Variants in CLVS1 observed in about 807,000 individuals in gnomAD.
CLVS1 encodes the protein clavesin-1.
Under a neutral mutation model 33.1 loss-of-function variants are expected in CLVS1, and 10 were observed. That is an observed-to-expected ratio of 0.30 (90% confidence interval 0.19 to 0.51). The LOEUF is 0.51. Among genes scored for constraint, CLVS1 ranks in the 20% least tolerant of loss-of-function variants. CLVS1 has a pLI of 0.97. For synonymous variants in CLVS1, 163 were observed against 166.1 expected (o/e 0.98, Z 0.14); for missense variants, 343 against 433.4 (o/e 0.79, Z 1.85).
chr8:61,070,513 C>A (rs1429968873), intron 1 of CLVS1, among the ~76,000 whole-genome samples: 2 of 152,250 alleles, frequency 1.3e-5, no homozygotes, highest in East Asian at 1.9e-4. Context: ...ATCTTCCACC[C>A]CTCTTCTTGC....
At chr8:60,997,608 T>C in the CLVS1 span, among the ~76,000 whole-genome samples, 1 of 152,336 alleles carries the variant, frequency 6.6e-6, no homozygotes, top group African/African-American at 2.4e-5. Context: ...CCATCTGTCA[T>C]GAACTCTCCT....
intron 2 of CLVS1, among the ~76,000 whole-genome samples, chr8:61,373,448 G>A (rs544813501): frequency 8.5e-5 from 13 of 152,192 alleles, no homozygotes; most frequent in Non-Finnish European, 1.6e-4. Flanking sequence ...AATAAAGGTT[G>A]TGGTCTCCAA....
chr8:60,978,531 A>C, the CLVS1 span, among the ~76,000 whole-genome samples: 1 of 152,264 alleles, frequency 6.6e-6, no homozygotes, highest in African/African-American at 2.4e-5. Flanking sequence ...ATAACTAAAA[A>C]AGGCCAGGTG....
chr8:61,240,765 ATCT>A (rs1389021177), intron 2 of CLVS1, among the ~76,000 whole-genome samples: 1 of 151,920 alleles, frequency 6.6e-6, no homozygotes, highest in Non-Finnish European at 1.5e-5. Flanking sequence ...TCCCACCCCC[ATCT>A]TACTGCACTG....
At chr8:61,000,088 T>C in the CLVS1 span, among the ~76,000 whole-genome samples, 1 of 152,238 alleles carries the variant, frequency 6.6e-6, no homozygotes, top group African/African-American at 2.4e-5. Context: ...CAGGAGTTCT[T>C]TATTCAAAAT....
intron 3 of CLVS1, among the ~76,000 whole-genome samples, chr8:61,451,990 G>A (rs76721721): frequency 6.2e-4 from 95 of 152,328 alleles, no homozygotes; most frequent in African/African-American, 2.1e-3. Context: ...TGCAAGCTCA[G>A]AACTTCTAGA....
Position 61,176,699 on chromosome 8 carries a change from G to A in CLVS1, c.-152+44839G>A, listed in dbSNP as rs1807118057. 2.0e-5 allele frequency among the ~76,000 whole-genome samples: 3 copies of A among 152,144 alleles called. No homozygotes were observed. The South Asian group carries it at 6.2e-4, about 32-fold the overall frequency. On this transcript the variant is annotated intron_variant, in intron 2 of 2. Coordinates refer to the CLVS1 transcript ENST00000522621. ...CCCATGGAGAGGAAGGAAGAGCAGT[G>A]TTGTGCGGCAGCCCACGGGAGAGCC...
chr8:61,422,028 G>T (rs1815694169), intron 3 of CLVS1, among the ~76,000 whole-genome samples: 1 of 151,780 alleles, frequency 6.6e-6, no homozygotes, highest in African/African-American at 2.4e-5. Context: ...AGATTTTCTT[G>T]CTTGGAAAAT....
At chr8:61,460,959 C>T (rs1817346007) in intron 5 of CLVS1, among the ~76,000 whole-genome samples, 1 of 152,204 alleles carries the variant, frequency 6.6e-6, no homozygotes, top group South Asian at 2.1e-4. Flanking sequence ...GAAAGTTCTG[C>T]TCTTGTCTGT....
intron 5 of CLVS1, among the ~76,000 whole-genome samples, chr8:61,477,705 C>A (rs1412732197): frequency 6.6e-6 from 1 of 152,044 alleles, no homozygotes; most frequent in African/African-American, 2.4e-5. Context: ...CTTTATTAGT[C>A]TTGCTAGTGG....
intron 3 of CLVS1, among the ~76,000 whole-genome samples, chr8:61,430,580 G>A (rs573258639): frequency 2.6e-5 from 4 of 152,194 alleles, no homozygotes; most frequent in South Asian, 2.1e-4. Context: ...TCCATGAGGC[G>A]CCTTGCTTAG....
At chr8:61,276,306 C>T (rs1461311800) in intron 2 of CLVS1, among the ~76,000 whole-genome samples, 2 of 152,098 alleles carry the variant, frequency 1.3e-5, no homozygotes, top group Non-Finnish European at 2.9e-5. Context: ...TTTCTTATTC[C>T]CTGTGTGGTC....
chr8:60,969,103 A>G, the CLVS1 span, among the ~76,000 whole-genome samples: 503 of 152,286 alleles, frequency 3.3e-3, 4 homozygotes, highest in African/African-American at 0.012. Context: ...CAGGGACACC[A>G]AGGCACTCAG....
chr8:61,321,751 T>G (rs891585622), intron 2 of CLVS1, among the ~76,000 whole-genome samples: 1 of 152,146 alleles, frequency 6.6e-6, no homozygotes, highest in Non-Finnish European at 1.5e-5. Flanking sequence ...GATAAATTAG[T>G]AAATTTTATT....
At chr8:61,299,218 T>C (rs899424320) in intron 1 of CLVS1, among the ~76,000 whole-genome samples, 2 of 152,242 alleles carry the variant, frequency 1.3e-5, no homozygotes, top group Middle Eastern at 3.4e-3. Context: ...GGAAGGGTTA[T>C]TTCTGTGAAA....
the CLVS1 span, among the ~76,000 whole-genome samples, chr8:61,026,577 A>G: frequency 2.0e-5 from 3 of 152,316 alleles, no homozygotes; most frequent in East Asian, 5.8e-4. Context: ...CCCTTGGAAG[A>G]TTCCAGCCTG....
chr8:61,226,422 T>C (rs527662532), intron 2 of CLVS1, among the ~76,000 whole-genome samples: 2 of 152,220 alleles, frequency 1.3e-5, no homozygotes, highest in African/African-American at 2.4e-5. Context: ...GAAATTTTTT[T>C]AAAAAATTAA....
intron 1 of CLVS1, among the ~76,000 whole-genome samples, chr8:61,105,707 T>G (rs1805521359): frequency 1.3e-5 from 2 of 152,224 alleles, no homozygotes. Context: ...CATACATATT[T>G]TCTTAATTAT....
At chr8:61,038,150 G>A in the CLVS1 span, among the ~76,000 whole-genome samples, 1 of 152,116 alleles carries the variant, frequency 6.6e-6, no homozygotes, top group African/African-American at 2.4e-5. Context: ...CTCAGTCTTG[G>A]TTTATGAATC....
Sources: allele counts gnomAD v4.1 joint callset (sites outside exome capture counted in the v4.1 genomes callset), GRCh38; gene constraint gnomAD v4.1.1; transcripts MANE v1.5; gene names NCBI Gene and HGNC (gene_info 2026-07-23, HGNC 2026-07-21).